SPON1: variants seen among roughly 807,000 people sequenced by gnomAD.
SPON1 encodes spondin 1, also known as spondin-1.
A neutral mutation model predicts 111.7 loss-of-function variants in SPON1; 52 were observed. The ratio of observed to expected loss-of-function variants is 0.47; its 90% confidence interval spans 0.37 to 0.59. The LOEUF (loss-of-function observed/expected upper bound fraction) is 0.59. SPON1 is among the 20% of genes least tolerant of loss of function. The probability of loss-of-function intolerance (pLI) is 0.00; values close to 1 mark genes in which losing one functional copy is unlikely to be tolerated. For synonymous variants in SPON1, 410 were observed against 395.8 expected (o/e 1.04, Z -0.43); for missense variants, 957 against 1,068.5 (o/e 0.90, Z 1.46).
At chr11:14,131,696 T>C (rs994356124) in intron 5 of SPON1, among the ~76,000 whole-genome samples, 1 of 152,206 alleles carries the variant, frequency 6.6e-6, no homozygotes, top group Non-Finnish European at 1.5e-5. Flanking sequence ...TTTCTATTTC[T>C]TAAAGGGAAA....
At chr11:14,255,255 G>A (rs1197910649) in intron 8 of SPON1, among the ~76,000 whole-genome samples, 1 of 152,180 alleles carries the variant, frequency 6.6e-6, no homozygotes, top group Non-Finnish European at 1.5e-5. Flanking sequence ...CAGCTGAGTT[G>A]AATATTAGCA....
intron 1 of SPON1, among the ~76,000 whole-genome samples, chr11:13,964,091 G>C (rs1490327848): frequency 6.6e-6 from 1 of 152,174 alleles, no homozygotes; most frequent in Non-Finnish European, 1.5e-5. Flanking sequence ...ATCTGAAGAC[G>C]CCTGACTCTG....
chr11:14,144,634 C>CAATAATAATAAT lies in SPON1; in HGVS notation c.825+9091_825+9102dup, dbSNP rs71041573. ...GACCGAGTGAGTGAGACTCCATCTC[C>CAATAATAATAAT]AATAATAATAATAATAATAATAATA... On this transcript the variant is annotated intron_variant, in intron 6 of 15. Coordinates refer to ENST00000576479, the MANE Select transcript of SPON1 (RefSeq NM_006108.4). Among the ~76,000 whole-genome samples, 143 of 142,968 alleles carry CAATAATAATAAT rather than the reference C, an allele frequency of 1.0e-3. 1 individual carries two copies. The highest frequency in any genetic ancestry group is 3.5e-3 in the African/African-American group (134 of 38,244). The allele number at this position is 142,968 out of a possible 152,430, so 93.8% of individuals were successfully genotyped here.
intron 1 of SPON1, among the ~76,000 whole-genome samples, chr11:13,968,657 T>C (rs1415403707): frequency 6.6e-6 from 1 of 152,204 alleles, no homozygotes; most frequent in African/African-American, 2.4e-5. Flanking sequence ...CTGTTTTAAG[T>C]TGCTGTTCTC....
intron 2 of SPON1, among the ~76,000 whole-genome samples, chr11:13,987,566 A>G (rs140570272): frequency 0.021 from 3,164 of 152,134 alleles, 118 homozygotes; most frequent in African/African-American, 0.071. Context: ...ATTAGATCCC[A>G]TTTGTCAATT....
chr11:14,244,583 C>T (rs955558407), intron 7 of SPON1, among the ~76,000 whole-genome samples: 1 of 151,562 alleles, frequency 6.6e-6, no homozygotes, highest in Admixed American at 6.6e-5. Context: ...CCTGCTTCTA[C>T]TAAAAATACA....
intron 5 of SPON1, among the ~76,000 whole-genome samples, chr11:14,084,344 T>G (rs1848988634): frequency 6.6e-6 from 1 of 152,176 alleles, no homozygotes; most frequent in Non-Finnish European, 1.5e-5. Flanking sequence ...TTCCCCTCCC[T>G]GTGTCCATGT....
At chr11:14,148,570 G>A (rs573697571) in intron 6 of SPON1, among the ~76,000 whole-genome samples, 3 of 152,270 alleles carry the variant, frequency 2.0e-5, no homozygotes, top group South Asian at 2.1e-4. Context: ...TTGGTAGATC[G>A]TTCTCCTCCT....
chr11:14,135,227 C>A lies in SPON1; in HGVS notation c.677-193C>A, dbSNP rs531065858. 3.9e-5 allele frequency: 21 copies of A among 541,880 alleles called. No homozygotes were observed. The highest frequency in any genetic ancestry group is 1.0e-3 in the Middle Eastern group (2 of 1,996). 33.6% of individuals were successfully genotyped at this position (541,880 alleles called of 1,614,324 possible). A position where few individuals can be genotyped will look rare whatever the true frequency, so the allele number is the denominator to read the frequency against. On this transcript the variant is annotated intron_variant, in intron 5 of 15. Transcript: ENST00000576479. The surrounding 1 kb of genome is among the most constrained non-coding windows in gnomAD (Gnocchi z 4.4). ...TGTTCAACATCTGCTGTTGACCTGT[C>A]TGTACATTCCCAAGACCTATTTGCT...
At chr11:14,019,676 T>G (rs1412990942) in intron 2 of SPON1, among the ~76,000 whole-genome samples, 2 of 152,176 alleles carry the variant, frequency 1.3e-5, no homozygotes, top group Non-Finnish European at 2.9e-5. Flanking sequence ...TGGAGATAAA[T>G]GGCTTCCACA....
At chr11:14,141,029 C>CCCCCCCCCCCCCCCCCCCCA (rs71041572) in intron 6 of SPON1, among the ~76,000 whole-genome samples, 5 of 132,272 alleles carry the variant, frequency 3.8e-5, no homozygotes, top group Non-Finnish European at 8.2e-5. Flanking sequence ...GTGCCCCCCC[C>CCCCCCCCCCCCCCCCCCCCA]ATGCCCCACT....
intron 5 of SPON1, among the ~76,000 whole-genome samples, chr11:14,090,823 G>GCCC (rs1360339677): frequency 1.1e-4 from 3 of 27,056 alleles, no homozygotes; most frequent in African/African-American, 5.3e-4. Flanking sequence ...TCTCTTATCT[G>GCCC]GCCCCCCCCC....
chr11:14,160,390 TTTATATATATA>T (rs1847896191), intron 6 of SPON1, among the ~76,000 whole-genome samples: 1 of 63,982 alleles, frequency 1.6e-5, no homozygotes, highest in Non-Finnish European at 2.8e-5. Flanking sequence ...TTACATTATT[TTTATATATATA>T]TTTATATATA....
At chr11:14,192,173 A>G (rs2133892307) in intron 6 of SPON1, among the ~76,000 whole-genome samples, 1 of 152,230 alleles carries the variant, frequency 6.6e-6, no homozygotes, top group South Asian at 2.1e-4. Context: ...AAGGAAAACA[A>G]AATTTTAAAA....
intron 6 of SPON1, among the ~76,000 whole-genome samples, chr11:14,183,456 T>A (rs943272500): frequency 5.3e-5 from 8 of 152,258 alleles, no homozygotes; most frequent in African/African-American, 1.9e-4. Context: ...AATGTCTGGT[T>A]AATATGCCAC....
rs1294328730 is a variant in SPON1 at position 14,265,813 on chromosome 11, G to A, written c.*126G>A. On this transcript the variant is annotated 3_prime_UTR_variant, in exon 16 of 16. Coordinates refer to ENST00000576479, the MANE Select transcript of SPON1 (RefSeq NM_006108.4). ...TCATTTTTGCAGTGTGGTTCGCCCA[G>A]TAGTCTTGTGGATGCCAGAGACATC... 4.5e-6 allele frequency: 5 copies of A among 1,119,740 alleles called. No individual in the cohort carries two copies. Among genetic ancestry groups the A allele is most frequent in the Non-Finnish European group, 6.3e-6 (5 of 793,058 alleles). 69.4% of individuals were successfully genotyped at this position (1,119,740 alleles called of 1,614,324 possible).
chr11:14,194,297 C>A (rs918109528), intron 6 of SPON1, among the ~76,000 whole-genome samples: 2 of 152,176 alleles, frequency 1.3e-5, no homozygotes, highest in East Asian at 3.8e-4. Context: ...ACAGCATACA[C>A]CTATGGGCAT....
intron 7 of SPON1, among the ~76,000 whole-genome samples, chr11:14,251,016 T>C (rs1362326516): frequency 6.6e-6 from 1 of 152,150 alleles, no homozygotes; most frequent in East Asian, 1.9e-4. Flanking sequence ...CCTCACTCTA[T>C]TGGAACCTGA....
intron 3 of SPON1, among the ~76,000 whole-genome samples, chr11:14,046,168 G>A (rs933377404): frequency 6.6e-6 from 1 of 152,158 alleles, no homozygotes; most frequent in Admixed American, 6.5e-5. Context: ...GAAGCAAAAG[G>A]AAAAGGCAGA....
Sources: allele counts gnomAD v4.1 joint callset (sites outside exome capture counted in the v4.1 genomes callset), GRCh38; gene constraint gnomAD v4.1.1; non-coding constraint Gnocchi (gnomAD v3.1); transcripts MANE v1.5; gene names NCBI Gene and HGNC (gene_info 2026-07-23, HGNC 2026-07-21).